RBFOX1: variants seen among roughly 807,000 people sequenced by gnomAD.
RBFOX1 encodes the protein RNA binding fox-1 homolog 1, also known as RNA binding protein fox-1 homolog 1.
A neutral mutation model predicts 57.7 loss-of-function variants in RBFOX1; 8 were observed. The ratio of observed to expected loss-of-function variants is 0.14; its 90% CI spans 0.08 to 0.25. RBFOX1 has a LOEUF of 0.25. Among genes scored for constraint, RBFOX1 ranks in the 10% least tolerant of loss-of-function variants. The pLI is 1.00. For synonymous variants in RBFOX1, 326 were observed against 222.4 expected, an observed-to-expected ratio of 1.47 and a Z score of -4.15; for missense variants, 611 against 548.5, an observed-to-expected ratio of 1.11 and a Z score of -1.14.
intron 3 of RBFOX1, among the ~76,000 whole-genome samples, chr16:6,942,383 C>T (rs546130533): frequency 6.6e-6 from 1 of 152,100 alleles, no homozygotes; most frequent in African/African-American, 2.4e-5. Context: ...TGATCTCGAA[C>T]CCTTGGGTTC....
chr16:7,505,333 T>A (rs1220391739), intron 4 of RBFOX1, among the ~76,000 whole-genome samples: 1 of 151,898 alleles, frequency 6.6e-6, no homozygotes, highest in African/African-American at 2.4e-5. Context: ...GTGTATATAA[T>A]GTCATACTTT....
At chr16:7,221,452 TC>T (rs1266489828) in intron 4 of RBFOX1, among the ~76,000 whole-genome samples, 1 of 151,780 alleles carries the variant, frequency 6.6e-6, no homozygotes, top group Non-Finnish European at 1.5e-5. Context: ...CTGCAACCTC[TC>T]CCTCCCAGGT....
chr16:6,377,794 G>A (rs1039375418), intron 2 of RBFOX1, among the ~76,000 whole-genome samples: 4 of 152,122 alleles, frequency 2.6e-5, no homozygotes, highest in Non-Finnish European at 4.4e-5. Context: ...AGATAGAGGC[G>A]GTAATGGAGT....
intron 2 of RBFOX1, among the ~76,000 whole-genome samples, chr16:6,341,266 C>T (rs183566957): frequency 1.0e-3 from 152 of 152,240 alleles, no homozygotes; most frequent in African/African-American, 3.4e-3. Context: ...CATTCCTTGG[C>T]TTGTGGCGTC....
intron 3 of RBFOX1, among the ~76,000 whole-genome samples, chr16:6,920,083 C>G (rs535482996): frequency 6.6e-6 from 1 of 152,160 alleles, no homozygotes. Flanking sequence ...TGGCATCCAA[C>G]TCCATCCAAG....
At chr16:7,131,588 G>C (rs62017062) in intron 4 of RBFOX1, among the ~76,000 whole-genome samples, 13,473 of 151,508 alleles carry the variant, frequency 0.089, 830 homozygotes, top group Non-Finnish European at 0.13. Flanking sequence ...ATTTGACTCT[G>C]AACACTGCAG....
chr16:6,050,973 G>A (rs776049459), intron 1 of RBFOX1, among the ~76,000 whole-genome samples: 1 of 147,800 alleles, frequency 6.8e-6, no homozygotes, highest in Non-Finnish European at 1.5e-5. Context: ...GACTCTGCTT[G>A]TCTTTGGTGG....
intron 4 of RBFOX1, among the ~76,000 whole-genome samples, chr16:5,956,059 C>T (rs1229976599): frequency 1.3e-5 from 2 of 152,052 alleles, no homozygotes; most frequent in East Asian, 3.9e-4. Flanking sequence ...GCCAAGATCA[C>T]AAGAGCAGGA....
intron 4 of RBFOX1, among the ~76,000 whole-genome samples, chr16:5,899,903 G>A (rs977378653): frequency 2.6e-5 from 4 of 152,164 alleles, no homozygotes; most frequent in African/African-American, 7.2e-5. Context: ...GTGCAACCCT[G>A]TCTCTACAAA....
intron 4 of RBFOX1, among the ~76,000 whole-genome samples, chr16:7,062,180 A>C (rs988119029): frequency 6.6e-6 from 1 of 151,824 alleles, no homozygotes; most frequent in Admixed American, 6.6e-5. Flanking sequence ...TTAGCTGGGC[A>C]TGGTGGCGGG....
chr16:7,643,119 C>T (rs982429377), intron 11 of RBFOX1, among the ~76,000 whole-genome samples: 41 of 152,170 alleles, frequency 2.7e-4, no homozygotes, highest in African/African-American at 9.7e-4. Context: ...GAACAGCACG[C>T]CAATTAGTTA....
intron 6 of RBFOX1, among the ~76,000 whole-genome samples, chr16:7,582,283 T>G (rs915945428): frequency 6.6e-6 from 1 of 152,148 alleles, no homozygotes; most frequent in East Asian, 1.9e-4. Context: ...CACCATGCAT[T>G]TAGTGCACAA....
At chr16:6,718,439 C>T (rs28651468) in intron 3 of RBFOX1, among the ~76,000 whole-genome samples, 8,620 of 152,110 alleles carry the variant, frequency 0.057, 298 homozygotes, top group African/African-American at 0.08. Flanking sequence ...CAAGGTAATG[C>T]GAGTAAGAGT....
At chr16:5,352,496 T>G (rs1418287130) in intron 1 of RBFOX1, among the ~76,000 whole-genome samples, 1 of 152,226 alleles carries the variant, frequency 6.6e-6, no homozygotes, top group Non-Finnish European at 1.5e-5. Context: ...TGTCTCTTTA[T>G]GCACACAGGC....
chr16:5,846,851 A>G (rs1358556593), intron 3 of RBFOX1, among the ~76,000 whole-genome samples: 1 of 152,240 alleles, frequency 6.6e-6, no homozygotes, highest in Non-Finnish European at 1.5e-5. Context: ...GATTACCTTC[A>G]GAGCAGCTGC....
chr16:6,887,238 G>C (rs936716999), intron 3 of RBFOX1, among the ~76,000 whole-genome samples: 1 of 152,202 alleles, frequency 6.6e-6, no homozygotes, highest in African/African-American at 2.4e-5. Context: ...CTATAGAGTA[G>C]TGATTACCTG....
intron 3 of RBFOX1, among the ~76,000 whole-genome samples, chr16:6,904,152 G>C (rs1471422498): frequency 1.3e-5 from 2 of 152,174 alleles, no homozygotes; most frequent in Admixed American, 1.3e-4. Context: ...TTTTAAAGGA[G>C]AAATGAAAGC....
chr16:7,424,113 T>C (rs571671551), intron 4 of RBFOX1, among the ~76,000 whole-genome samples: 69 of 152,310 alleles, frequency 4.5e-4, no homozygotes, highest in African/African-American at 1.6e-3. Flanking sequence ...ATTCAGAGCT[T>C]CTTAAGTAAT....
At chr16:5,637,243 A>T (rs1323487021) in intron 3 of RBFOX1, among the ~76,000 whole-genome samples, 1 of 152,210 alleles carries the variant, frequency 6.6e-6, no homozygotes, top group East Asian at 1.9e-4. Context: ...AGCCTCCAAC[A>T]ATTAGGCTTT....
Sources: allele counts gnomAD v4.1 joint callset (sites outside exome capture counted in the v4.1 genomes callset), GRCh38; gene constraint gnomAD v4.1.1; transcripts MANE v1.5; gene names NCBI Gene and HGNC (gene_info 2026-07-23, HGNC 2026-07-21).